The following ADGRL2 variants were observed in gnomAD, a reference collection of about 807,000 sequenced individuals.
ADGRL2 encodes the protein calcium-independent alpha-latrotoxin receptor 2.
ADGRL2 carries 44 observed loss-of-function variants against 157.4 expected under a neutral mutation model. The observed-to-expected ratio is 0.28, with a 90% CI of 0.22 to 0.36. The LOEUF (loss-of-function observed/expected upper bound fraction) is 0.36, where lower values mean the gene tolerates loss of function less well. ADGRL2 is among the 10% of genes least tolerant of loss of function. The probability of loss-of-function intolerance (pLI) is 1.00; values close to 1 mark genes in which losing one functional copy is unlikely to be tolerated. For synonymous variants in ADGRL2, 585 were observed against 624.7 expected (o/e 0.94, Z 0.95); for missense variants, 1,510 against 1,768.9 (o/e 0.85, Z 2.63).
chr1:81,932,357 T>C (rs1440654398), intron 3 of ADGRL2, among the ~76,000 whole-genome samples: 2 of 152,174 alleles, frequency 1.3e-5, no homozygotes, highest in Non-Finnish European at 2.9e-5. Flanking sequence ...TGCTCAAAAT[T>C]AGAGCAACTA....
chr1:81,801,768 G>A (rs986123244), intron 1 of ADGRL2, among the ~76,000 whole-genome samples: 2 of 152,172 alleles, frequency 1.3e-5, no homozygotes, highest in African/African-American at 4.8e-5. Context: ...AACTGAGTTG[G>A]CCTCGCGCCC....
At chr1:81,371,801 C>A (rs1015983932) in intron 1 of ADGRL2, among the ~76,000 whole-genome samples, 1 of 152,170 alleles carries the variant, frequency 6.6e-6, no homozygotes, top group Admixed American at 6.5e-5. Context: ...ACCATTCATT[C>A]ATTATTCAAT....
At chr1:81,609,268 G>A (rs2081494279) in intron 3 of ADGRL2, among the ~76,000 whole-genome samples, 2 of 152,014 alleles carry the variant, frequency 1.3e-5, no homozygotes, top group South Asian at 4.2e-4. Context: ...TCGAACTCCT[G>A]GCTTCAAGTG....
chr1:81,676,678 ATTTAT>A (rs909983156), intron 3 of ADGRL2, among the ~76,000 whole-genome samples: 5 of 151,354 alleles, frequency 3.3e-5, no homozygotes, highest in African/African-American at 1.2e-4. Flanking sequence ...AACTCACTGG[ATTTAT>A]TTTATTTTAT....
chr1:81,952,093 A>G lies in ADGRL2; in HGVS notation c.1745A>G (p.Gln582Arg). 2 of 1,613,398 alleles carry G rather than the reference A, an allele frequency of 1.2e-6. No homozygotes were observed. Among genetic ancestry groups the G allele is most frequent in the Non-Finnish European group, 1.7e-6 (2 of 1,179,510 alleles). ...QLVDILDAQL[Q>R]ELKPSEKDSA... ...GTGGACATCCTTGATGCACAGCTGC[A>G]GGAACTGAAACCTAGTGAAAAAGAT... Residue 582 changes from glutamine (Q) to arginine (R), a missense_variant, in exon 9 of 24, where the codon CAG becomes CGG. Physicochemically the swap from Gln to Arg is conservative, Grantham distance 43. Transcript: ENST00000686636.
At chr1:81,557,763 C>A in intron 2 of ADGRL2, 1 of 148,664 alleles carries the variant, frequency 6.7e-6, no homozygotes, top group South Asian at 2.1e-4. Context: ...GAAGCGAAGT[C>A]TGGCCCCGGA....
intron 1 of ADGRL2, among the ~76,000 whole-genome samples, chr1:81,397,471 C>G (rs2076676896): frequency 6.6e-6 from 1 of 151,890 alleles, no homozygotes; most frequent in South Asian, 2.1e-4. Context: ...AGGCGCCCGC[C>G]ACCACGCCAG....
At chr1:81,906,984 T>C (rs758131530) in intron 2 of ADGRL2, 33 bp from the exon 3 acceptor site, 1 of 1,511,038 alleles carries the variant, frequency 6.6e-7, no homozygotes, top group Non-Finnish European at 9.2e-7. Context: ...ATAAATGAGT[T>C]ACAGTTTAAT....
At chr1:81,401,417 T>TTCCCAACTGA in intron 1 of ADGRL2, among the ~76,000 whole-genome samples, 1 of 151,574 alleles carries the variant, frequency 6.6e-6, no homozygotes, top group East Asian at 2.0e-4. Flanking sequence ...TTCCTCCTGG[T>TTCCCAACTGA]TCCCAGCTGC....
chr1:81,693,259 C>T (rs971956269), intron 3 of ADGRL2, among the ~76,000 whole-genome samples: 1 of 152,168 alleles, frequency 6.6e-6, no homozygotes, highest in African/African-American at 2.4e-5. Flanking sequence ...CTGCCACTCT[C>T]CCGTCTCCCG....
rs565429448 is a variant in ADGRL2 at position 81,822,203 on chromosome 1, T to G, written c.-100-14682T>G. Among the ~76,000 whole-genome samples the G allele has an allele frequency of 1.7e-4, 25 of 151,406 alleles. No homozygotes were observed. In the Middle Eastern group the frequency reaches 0.014, roughly 82 times the overall value. On this transcript the variant is annotated intron_variant, in intron 1 of 23. Coordinates refer to ENST00000686636, the MANE Select transcript of ADGRL2 (RefSeq NM_001366006.2). ...TGATTTTAATTTTTACATTCTTTGT[T>G]TTGAAAGATGATAAAAGTGTTTTCT...
intron 2 of ADGRL2, among the ~76,000 whole-genome samples, chr1:81,498,338 CTTTG>C (rs1391396184): frequency 4.6e-5 from 7 of 152,070 alleles, no homozygotes; most frequent in African/African-American, 9.7e-5. Flanking sequence ...TCTTTATAAT[CTTTG>C]TTTGAGAAAA....
chr1:81,350,556 T>A (rs983999848), intron 1 of ADGRL2, among the ~76,000 whole-genome samples: 1 of 152,128 alleles, frequency 6.6e-6, no homozygotes, highest in South Asian at 2.1e-4. Context: ...AGAAACCAGA[T>A]GAAAAGATTT....
intron 3 of ADGRL2, among the ~76,000 whole-genome samples, chr1:81,592,086 G>C (rs1175745607): frequency 6.6e-6 from 1 of 152,082 alleles, no homozygotes; most frequent in Non-Finnish European, 1.5e-5. Flanking sequence ...TCTCTTTAAT[G>C]CATCAGTGAT....
intron 2 of ADGRL2, among the ~76,000 whole-genome samples, chr1:81,451,319 A>G (rs1259980701): frequency 2.0e-5 from 3 of 152,200 alleles, no homozygotes; most frequent in Non-Finnish European, 4.4e-5. Flanking sequence ...TTCATTTTGT[A>G]TATAGCAGTA....
At chr1:81,573,221 CAG>C (rs1435507580) in intron 2 of ADGRL2, among the ~76,000 whole-genome samples, 4 of 151,992 alleles carry the variant, frequency 2.6e-5, no homozygotes, top group South Asian at 2.1e-4. Context: ...AATTATGTGA[CAG>C]AATTCAGGAG....
At chr1:81,427,164 G>T in intron 1 of ADGRL2, 1 of 1,067,684 alleles carries the variant, frequency 9.4e-7, no homozygotes, top group East Asian at 2.4e-5. Context: ...GGTTGCGGAG[G>T]AAACTTTCGA....
chr1:81,804,214 T>C (rs1015441443), intron 1 of ADGRL2, among the ~76,000 whole-genome samples: 1 of 152,104 alleles, frequency 6.6e-6, no homozygotes, highest in Non-Finnish European at 1.5e-5. Flanking sequence ...TTATGGAACG[T>C]TTTGTTGTCT....
At chr1:81,770,605 C>T (rs2149344332) in intron 2 of ADGRL2, among the ~76,000 whole-genome samples, 1 of 152,246 alleles carries the variant, frequency 6.6e-6, no homozygotes, top group Non-Finnish European at 1.5e-5. Context: ...TCCCGAGTAG[C>T]TGGGATTACA....
Sources: allele counts gnomAD v4.1 joint callset (sites outside exome capture counted in the v4.1 genomes callset), GRCh38; gene constraint gnomAD v4.1.1; transcripts MANE v1.5; gene names NCBI Gene and HGNC (gene_info 2026-07-23, HGNC 2026-07-21).